PRKCZ: variants seen among roughly 807,000 people sequenced by gnomAD.
PRKCZ encodes protein kinase C zeta.
Under a neutral mutation model 79.5 loss-of-function variants are expected in PRKCZ, and 33 were observed. That is an observed-to-expected ratio of 0.41 (90% CI 0.31 to 0.55). The LOEUF (loss-of-function observed/expected upper bound fraction) is 0.55, where lower values mean the gene tolerates loss of function less well. Ranked by LOEUF, PRKCZ falls within the 20% of genes least tolerant of loss-of-function variation. The probability of loss-of-function intolerance (pLI) is 0.19; values close to 1 mark genes in which losing one functional copy is unlikely to be tolerated. For missense variants in PRKCZ, 578 were observed against 813.5 expected (o/e 0.71, Z 3.52); for synonymous variants, 342 against 320.9 (o/e 1.07, Z -0.70).
chr1:2,109,495 T>G (rs988427622), intron 4 of PRKCZ, among the ~76,000 whole-genome samples: 1 of 152,158 alleles, frequency 6.6e-6, no homozygotes, highest in South Asian at 2.1e-4. Context: ...ATATTAAACA[T>G]GTGGATTGCA....
intron 4 of PRKCZ, among the ~76,000 whole-genome samples, chr1:2,086,960 T>C (rs920681751): frequency 6.6e-6 from 1 of 152,230 alleles, no homozygotes; most frequent in Non-Finnish European, 1.5e-5. Context: ...GAGAGCAGTT[T>C]CCAGAAGTTA....
intron 11 of PRKCZ, among the ~76,000 whole-genome samples, chr1:2,170,455 C>T (rs552632396): frequency 1.6e-4 from 24 of 151,770 alleles, no homozygotes; most frequent in African/African-American, 5.8e-4. Context: ...AAATCTAGAA[C>T]AGTACACTTC....
chr1:2,184,374 C>T (rs1687216419), intron 16 of PRKCZ: 1 of 523,558 alleles, frequency 1.9e-6, no homozygotes, highest in Non-Finnish European at 3.4e-6. Context: ...CCGACACTGG[C>T]ATTTCTCAGC....
intron 4 of PRKCZ, among the ~76,000 whole-genome samples, chr1:2,084,181 G>A (rs188023694): frequency 2.1e-4 from 32 of 152,238 alleles, no homozygotes; most frequent in African/African-American, 7.0e-4. Flanking sequence ...CGGAGGTTGC[G>A]GTGAGCCAAG....
intron 4 of PRKCZ, among the ~76,000 whole-genome samples, chr1:2,108,309 C>T (rs1291128263): frequency 2.0e-5 from 3 of 152,262 alleles, no homozygotes; most frequent in African/African-American, 7.2e-5. Flanking sequence ...CTCCAGGAAG[C>T]CTGCCTGGCC....
intron 4 of PRKCZ, among the ~76,000 whole-genome samples, chr1:2,101,673 C>T (rs1667463310): frequency 6.6e-6 from 1 of 152,170 alleles, no homozygotes; most frequent in African/African-American, 2.4e-5. Context: ...GGGAGAGCAC[C>T]TCCCCTGGGG....
chr1:2,158,443 G>A (rs1329428772), intron 10 of PRKCZ, among the ~76,000 whole-genome samples: 1 of 152,218 alleles, frequency 6.6e-6, no homozygotes. Context: ...CACCGCCTGC[G>A]CCTGACGGCT....
chr1:2,050,696 C>T lies in PRKCZ; in HGVS notation c.66C>T (p.Tyr22=), dbSNP rs1357781989. 4.4e-6 allele frequency: 5 copies of T among 1,149,212 alleles called. No individual in the cohort carries two copies. Among genetic ancestry groups the T allele is most frequent in the Non-Finnish European group, 4.3e-6 (4 of 936,062 alleles). The allele number at this position is 1,149,212 out of a possible 1,614,324, so 71.2% of individuals were successfully genotyped here. A position where few individuals can be genotyped will look rare whatever the true frequency, so the allele number is the denominator to read the frequency against. ...SGGRVRLKAH[Y]GGDIFITSVD... is the part of the protein sequence containing the mutation. ...GCCGCGTCCGCCTCAAGGCGCATTA[C>T]GGGGGGTGAGCGGCGGAGAGGGCGG... The change falls in exon 1 of 18, where the codon TAC becomes TAT. Residue 22 remains tyrosine, a synonymous_variant. Coordinates refer to ENST00000378567, the MANE Select transcript of PRKCZ (RefSeq NM_002744.6).
chr1:2,172,911 G>T lies in PRKCZ; in HGVS notation c.1285+523G>T, dbSNP rs1333606679. On this transcript the variant is annotated intron_variant, in intron 13 of 17. Transcript: ENST00000378567. The surrounding 1 kb of genome is among the most constrained non-coding windows in gnomAD (Gnocchi z 7.8). ...GAAACGGGGACGTGGGCACGCGTGT[G>T]CAGCCGTGTGTGCGTGTGTGAAACG... 6.6e-6 allele frequency among the ~76,000 whole-genome samples: 1 copy of T among 152,028 alleles called. No homozygotes were observed. Among genetic ancestry groups the T allele is most frequent in the Non-Finnish European group, 1.5e-5 (1 of 68,010 alleles).
intron 5 of PRKCZ, among the ~76,000 whole-genome samples, chr1:2,137,532 C>A (rs560114488): frequency 6.6e-6 from 1 of 152,348 alleles, no homozygotes; most frequent in South Asian, 2.1e-4. Context: ...TGCGGGCAGC[C>A]TTGTTCCTGT....
At chr1:2,141,635 T>A (rs1329104064) in intron 5 of PRKCZ, 1 of 154,450 alleles carries the variant, frequency 6.5e-6, no homozygotes, top group Non-Finnish European at 1.4e-5. Flanking sequence ...CATGAGCCAC[T>A]GCGCCTGGCC....
At chr1:2,122,828 TGGC>T (rs1285646983) in intron 4 of PRKCZ, among the ~76,000 whole-genome samples, 1 of 11,750 alleles carries the variant, frequency 8.5e-5, no homozygotes, top group African/African-American at 3.7e-4. Context: ...GTTAGGGTCG[TGGC>T]GGTGGTTAGG....
chr1:2,144,792 C>T, intron 6 of PRKCZ: 1 of 265,044 alleles, frequency 3.8e-6, no homozygotes, highest in Non-Finnish European at 6.0e-6. Context: ...CACCTTCCCT[C>T]CGCCATCCCC....
At chr1:2,074,323 T>TGGGGGCC in intron 4 of PRKCZ, 1 of 1,538,552 alleles carries the variant, frequency 6.5e-7, no homozygotes, top group South Asian at 1.2e-5. Context: ...TGTGGAGGGC[T>TGGGGGCC]GGGGGCCGGG....
Position 2,065,324 on chromosome 1 carries a change from C to T in PRKCZ, c.334+5733C>T, listed in dbSNP as rs569170040. Among the ~76,000 whole-genome samples the T allele has an allele frequency of 3.8e-4, 58 of 152,268 alleles. 1 individual carries two copies. The highest frequency in any genetic ancestry group is 1.3e-3 in the African/African-American group (54 of 41,546). On this transcript the variant is annotated intron_variant, in intron 4 of 17. Transcript: ENST00000378567. ...ACTTTTTCCTTCCTAATTTGGATGC[C>T]TTGTATTTCTTTTTCTTGCCTAATT...
chr1:2,074,234 G>T (rs1385631985), intron 4 of PRKCZ: 4 of 1,550,544 alleles, frequency 2.6e-6, no homozygotes, highest in East Asian at 4.9e-5. Context: ...TCTGAGCGAG[G>T]CAGGGGCTGC....
At chr1:2,121,259 C>T (rs1221283154) in intron 4 of PRKCZ, among the ~76,000 whole-genome samples, 1 of 152,176 alleles carries the variant, frequency 6.6e-6, no homozygotes, top group East Asian at 1.9e-4. Flanking sequence ...CATGGGGGAG[C>T]CTGGAGGCCC....
intron 10 of PRKCZ, among the ~76,000 whole-genome samples, chr1:2,160,818 G>A (rs547353977): frequency 3.9e-5 from 6 of 152,264 alleles, no homozygotes; most frequent in African/African-American, 9.6e-5. Context: ...TGGAGGACTC[G>A]GGGGTGCTGT....
intron 4 of PRKCZ, among the ~76,000 whole-genome samples, chr1:2,073,310 G>A (rs1427642530): frequency 6.6e-6 from 1 of 152,170 alleles, no homozygotes; most frequent in African/African-American, 2.4e-5. Context: ...ACATCGCAAG[G>A]CCCCTATGCC....
Sources: gnomAD v4.1 joint callset for allele counts (sites outside exome capture counted in the v4.1 genomes callset) on GRCh38, gnomAD v4.1.1 for gene constraint, Gnocchi (gnomAD v3.1) non-coding constraint, MANE v1.5 for transcripts, NCBI Gene and HGNC (gene_info 2026-07-23, HGNC 2026-07-21) for gene names.